Variants in RAP1A observed in about 807,000 individuals in gnomAD.
RAP1A encodes RAP1A, member of RAS oncogene family.
Under a neutral mutation model 26.4 loss-of-function variants are expected in RAP1A, and 6 were observed. The observed-to-expected ratio is 0.23, with a 90% confidence interval of 0.12 to 0.45. The LOEUF (loss-of-function observed/expected upper bound fraction) is 0.45, where lower values mean the gene tolerates loss of function less well. Ranked by LOEUF, RAP1A falls within the 20% of genes least tolerant of loss-of-function variation. The probability of loss-of-function intolerance (pLI) is 0.99; values close to 1 mark genes in which losing one functional copy is unlikely to be tolerated. For synonymous variants in RAP1A, 73 were observed against 79.4 expected (o/e 0.92, Z 0.43); for missense variants, 121 against 217.2 (o/e 0.56, Z 2.78).
intron 1 of RAP1A, among the ~76,000 whole-genome samples, chr1:111,588,059 T>C (rs1046241039): frequency 2.0e-5 from 3 of 152,220 alleles, no homozygotes; most frequent in Non-Finnish European, 4.4e-5. Flanking sequence ...GAAACTTCTC[T>C]CTGCGTTGAT....
chr1:111,687,311 A>G (rs1448139373), intron 1 of RAP1A, among the ~76,000 whole-genome samples: 1 of 151,232 alleles, frequency 6.6e-6, no homozygotes, highest in Non-Finnish European at 1.5e-5. Flanking sequence ...GGGTTTAAGC[A>G]ATTCTCCTGC....
At chr1:111,559,126 G>A (rs1295214818) in intron 1 of RAP1A, among the ~76,000 whole-genome samples, 1 of 152,074 alleles carries the variant, frequency 6.6e-6, no homozygotes, top group Non-Finnish European at 1.5e-5. Context: ...TTAGGACTAA[G>A]TGATAAATAA....
intron 1 of RAP1A, among the ~76,000 whole-genome samples, chr1:111,674,387 T>C (rs564676045): frequency 1.3e-5 from 2 of 152,106 alleles, no homozygotes; most frequent in South Asian, 4.1e-4. Context: ...TTTTCAAAAA[T>C]GTGGTGGTTA....
At chr1:111,558,058 C>T (rs761354696) in intron 1 of RAP1A, among the ~76,000 whole-genome samples, 4 of 151,834 alleles carry the variant, frequency 2.6e-5, no homozygotes, top group Non-Finnish European at 5.9e-5. Context: ...TAGGAATAAG[C>T]AAACAGAAAA....
chr1:111,584,781 G>A (rs1454421916), intron 1 of RAP1A, among the ~76,000 whole-genome samples: 2 of 152,062 alleles, frequency 1.3e-5, no homozygotes, highest in African/African-American at 2.4e-5. Flanking sequence ...TATTTAGGAA[G>A]AGTAGAAAAA....
chr1:111,594,167 G>A (rs1269487875), intron 1 of RAP1A, among the ~76,000 whole-genome samples: 1 of 152,090 alleles, frequency 6.6e-6, no homozygotes, highest in Non-Finnish European at 1.5e-5. Context: ...CAGATGCCAC[G>A]ACTTGGAAAG....
At chr1:111,632,640 T>TG (rs1287544024) in intron 1 of RAP1A, among the ~76,000 whole-genome samples, 1 of 151,860 alleles carries the variant, frequency 6.6e-6, no homozygotes, top group Non-Finnish European at 1.5e-5. Context: ...CGGCCAGGTG[T>TG]GGTGGCTCAT....
intron 1 of RAP1A, among the ~76,000 whole-genome samples, chr1:111,654,014 G>T (rs1660370471): frequency 6.6e-6 from 1 of 152,134 alleles, no homozygotes. Flanking sequence ...TTTTCATGGG[G>T]CTTCTAAACT....
chr1:111,543,205 T>A (rs1656908156), intron 1 of RAP1A, among the ~76,000 whole-genome samples: 1 of 152,160 alleles, frequency 6.6e-6, no homozygotes. Context: ...ATATTTTCAC[T>A]GATGAAAGAT....
At chr1:111,615,311 C>T (rs958444307), upstream of RAP1A, among the ~76,000 whole-genome samples, 18 of 151,394 alleles carry the variant, frequency 1.2e-4, no homozygotes, top group Admixed American at 2.6e-4. Flanking sequence ...GAACACAAGA[C>T]GGACTGAAGG....
chr1:111,706,352 G>T (rs1014407355), intron 6 of RAP1A, among the ~76,000 whole-genome samples: 4 of 152,090 alleles, frequency 2.6e-5, no homozygotes, highest in East Asian at 3.9e-4. Flanking sequence ...AGTTTTGAAT[G>T]CCTGAAGTAT....
In RAP1A at chr1:111,601,937, A is replaced by G. The variant is rs557835759; in HGVS notation, c.-28+59428A>G. The stretch of plus-strand genomic sequence containing the variant: ...TTCAAAGGTCCATCTAGTTTAAGGC[A>G]TGTGTAAATTTACTGACAAGTGATT... On this transcript the variant is annotated intron_variant, in intron 1 of 7. Coordinates refer to the RAP1A transcript ENST00000356415. Among the ~76,000 whole-genome samples, 3 of 152,306 alleles carry G rather than the reference A, an allele frequency of 2.0e-5. No individual in the cohort carries two copies. In the South Asian group the frequency reaches 6.2e-4, roughly 32 times the overall value.
chr1:111,644,275 G>T (rs1159757147), intron 1 of RAP1A, among the ~76,000 whole-genome samples: 1 of 152,182 alleles, frequency 6.6e-6, no homozygotes, highest in Non-Finnish European at 1.5e-5. Flanking sequence ...TTGAATAACA[G>T]AATTTAAGTA....
At chr1:111,549,735 A>G (rs1436800238) in intron 1 of RAP1A, among the ~76,000 whole-genome samples, 2 of 151,970 alleles carry the variant, frequency 1.3e-5, no homozygotes, top group Admixed American at 6.6e-5. Context: ...TGAAGCCTCA[A>G]ACTTCTGGAC....
chr1:111,579,268 C>T (rs919395892), intron 1 of RAP1A, among the ~76,000 whole-genome samples: 1 of 152,152 alleles, frequency 6.6e-6, no homozygotes, highest in South Asian at 2.1e-4. Flanking sequence ...AGGGCCCCCA[C>T]ACTAAGTCAC....
intron 1 of RAP1A, among the ~76,000 whole-genome samples, chr1:111,591,233 C>CT: frequency 6.6e-6 from 1 of 152,180 alleles, no homozygotes; most frequent in East Asian, 1.9e-4. Flanking sequence ...TAGCGATTTT[C>CT]TTTTTTTAAT....
chr1:111,675,309 G>T (rs929877873), intron 1 of RAP1A, among the ~76,000 whole-genome samples: 2 of 151,822 alleles, frequency 1.3e-5, no homozygotes, highest in Non-Finnish European at 2.9e-5. Context: ...GTGAAACCCC[G>T]TCTCTACAAA....
chr1:111,565,538 A>G (rs1034823836), intron 1 of RAP1A, among the ~76,000 whole-genome samples: 4 of 152,246 alleles, frequency 2.6e-5, no homozygotes, highest in Admixed American at 6.5e-5. Context: ...ATGGGATGTC[A>G]GAGAAACTGA....
Position 111,704,472 on chromosome 1 carries a change from A to C in RAP1A, c.454A>C (p.Ile152Leu), listed in dbSNP as rs1662123818. ...TTTAGAATCTTCTGCAAAGTCAAAGATCAATGTTAATGAGGTAACCTACAA... is the reference window on the plus strand; with the variant it reads ...TTTAGAATCTTCTGCAAAGTCAAAGCTCAATGTTAATGAGGTAACCTACAA... ...AFLESSAKSKINVNEIFYDLV... is the reference protein window; with the variant it reads ...AFLESSAKSKLNVNEIFYDLV... The change falls in exon 6 of 8, where the codon ATC (isoleucine) becomes CTC (leucine). Residue 152 changes from isoleucine to leucine, a missense_variant. Ile to Leu is a conservative substitution (Grantham distance 5). Coordinates refer to ENST00000369709, the MANE Select transcript of RAP1A (RefSeq NM_002884.4). The C allele has an allele frequency of 6.2e-7, 1 of 1,613,430 alleles. No individual in the cohort carries two copies. The highest frequency in any genetic ancestry group is 1.3e-5 in the African/African-American group (1 of 75,018).
Sources: allele counts gnomAD v4.1 joint callset (sites outside exome capture counted in the v4.1 genomes callset), GRCh38; gene constraint gnomAD v4.1.1; transcripts MANE v1.5; gene names NCBI Gene and HGNC (gene_info 2026-07-23, HGNC 2026-07-21).